MATN2: variants seen among roughly 807,000 people sequenced by gnomAD.
MATN2 encodes the protein matrilin 2.
MATN2 carries 69 observed loss-of-function variants against 103.2 expected under a neutral mutation model. The ratio of observed to expected loss-of-function variants is 0.67; its 90% confidence interval spans 0.55 to 0.82. The LOEUF (loss-of-function observed/expected upper bound fraction) is 0.82. Ranked by LOEUF, MATN2 falls within the 40% of genes least tolerant of loss-of-function variation. The pLI, the probability that MATN2 is intolerant of heterozygous loss-of-function variation, is 0.00. For synonymous variants in MATN2, 429 were observed against 450.2 expected (o/e 0.95, Z 0.60); for missense variants, 1,023 against 1,211.5 (o/e 0.84, Z 2.31).
At chr8:97,877,507 G>A (rs1197475904) in intron 1 of MATN2, among the ~76,000 whole-genome samples, 2 of 149,844 alleles carry the variant, frequency 1.3e-5, no homozygotes, top group Non-Finnish European at 3.0e-5. Flanking sequence ...TTTTTGTAGA[G>A]ATGAAGTCTC....
At chr8:98,009,121 A>G (rs893476923) in intron 10 of MATN2, among the ~76,000 whole-genome samples, 4 of 152,254 alleles carry the variant, frequency 2.6e-5, no homozygotes, top group Admixed American at 6.5e-5. Context: ...GGTTGTATCT[A>G]GATGAGAACT....
intron 5 of MATN2, among the ~76,000 whole-genome samples, chr8:97,964,805 C>T (rs1252402117): frequency 6.6e-6 from 1 of 151,750 alleles, no homozygotes. Flanking sequence ...GCGACCTCGG[C>T]TCACTGCAAC....
chr8:98,033,129 A>G lies in MATN2; in HGVS notation c.2669A>G (p.Asn890Ser), dbSNP rs1814102257. The G allele has an allele frequency of 1.2e-6, 2 of 1,610,916 alleles. No homozygotes were observed. The highest frequency in any genetic ancestry group is 1.7e-6 in the Non-Finnish European group (2 of 1,178,514). ...CACAGATATCTGTTTGAAGAAGACAATCTTTTACGGTCTACACAAAAGCTT... is the reference window on the plus strand; with the variant it reads ...CACAGATATCTGTTTGAAGAAGACAGTCTTTTACGGTCTACACAAAAGCTT... Reference protein sequence around the residue: ...VQHRYLFEEDNLLRSTQKLSH... With the variant: ...VQHRYLFEEDSLLRSTQKLSH... Residue 890 changes from asparagine (N) to serine (S), a missense_variant, in exon 17 of 19, where the codon AAT becomes AGT. Transcript: ENST00000254898.
chr8:97,875,916 C>A (rs551872550), intron 1 of MATN2, among the ~76,000 whole-genome samples: 3 of 151,878 alleles, frequency 2.0e-5, no homozygotes, highest in Non-Finnish European at 4.4e-5. Context: ...AGGATGGTCT[C>A]GATCTCCTGA....
intron 4 of MATN2, among the ~76,000 whole-genome samples, chr8:97,958,861 C>T (rs1484475141): frequency 1.3e-5 from 2 of 152,174 alleles, no homozygotes; most frequent in Admixed American, 1.3e-4. Flanking sequence ...AGAGATCCCT[C>T]TGCCTCTGGT....
At chr8:98,024,505 A>AAACAAC (rs35489233) in intron 13 of MATN2, among the ~76,000 whole-genome samples, 8,144 of 151,738 alleles carry the variant, frequency 0.054, 680 homozygotes, top group African/African-American at 0.18. Context: ...ATGCCATCTC[A>AAACAAC]AACAACAACA....
intron 2 of MATN2, among the ~76,000 whole-genome samples, chr8:97,921,379 G>A (rs1809801592): frequency 6.6e-6 from 1 of 152,124 alleles, no homozygotes; most frequent in Admixed American, 6.5e-5. Context: ...AATAGAGCAC[G>A]ACTGAGTCAA....
chr8:97,944,675 T>C (rs1395826401), intron 4 of MATN2, among the ~76,000 whole-genome samples: 1 of 152,216 alleles, frequency 6.6e-6, no homozygotes, highest in Non-Finnish European at 1.5e-5. Context: ...GATTATGTCC[T>C]TGTTAGGCCC....
intron 6 of MATN2, among the ~76,000 whole-genome samples, chr8:97,987,716 G>C (rs921886353): frequency 3.9e-5 from 6 of 152,104 alleles, no homozygotes; most frequent in Non-Finnish European, 8.8e-5. Flanking sequence ...ACTGATCCTA[G>C]TGCCTGTCCC....
Position 98,007,432 on chromosome 8 carries a change from C to A in MATN2, c.1451-47C>A. Reference sequence around the variant, plus strand: ...CGGTCACTTGATCCAATCACTGTCGCCCAGAGGTCTCACTGATAAAGGGCT... The same window carrying A: ...CGGTCACTTGATCCAATCACTGTCGACCAGAGGTCTCACTGATAAAGGGCT... On this transcript the variant is annotated intron_variant, in intron 9 of 18. Coordinates refer to ENST00000254898, the MANE Select transcript of MATN2 (RefSeq NM_002380.5). The surrounding 1 kb of genome is among the most constrained non-coding windows in gnomAD (Gnocchi z 4.2). 6.3e-7 allele frequency: 1 copy of A among 1,594,436 alleles called. No homozygotes were observed. The highest frequency in any genetic ancestry group is 8.6e-7 in the Non-Finnish European group (1 of 1,164,706).
At chr8:97,918,889 C>T (rs918978499) in intron 2 of MATN2, among the ~76,000 whole-genome samples, 1 of 152,210 alleles carries the variant, frequency 6.6e-6, no homozygotes, top group Non-Finnish European at 1.5e-5. Flanking sequence ...CTCCCTGAGC[C>T]TCAGCTTCCT....
chr8:97,984,953 A>C (rs1017226371), intron 6 of MATN2, among the ~76,000 whole-genome samples: 1 of 152,224 alleles, frequency 6.6e-6, no homozygotes, highest in African/African-American at 2.4e-5. Flanking sequence ...GAAACCTTTG[A>C]GGCAGAGGTA....
At chr8:98,019,296 T>A (rs1379245249) in intron 12 of MATN2, among the ~76,000 whole-genome samples, 1 of 152,218 alleles carries the variant, frequency 6.6e-6, no homozygotes, top group East Asian at 1.9e-4. Context: ...CACACAATTG[T>A]CAGGGGCTGG....
intron 7 of MATN2, among the ~76,000 whole-genome samples, chr8:97,997,289 A>T (rs1428518944): frequency 6.6e-6 from 1 of 152,152 alleles, no homozygotes; most frequent in East Asian, 1.9e-4. Flanking sequence ...TGGCAATGTC[A>T]CTCATATTGG....
chr8:97,929,596 A>G (rs953967699), intron 2 of MATN2, among the ~76,000 whole-genome samples: 1 of 152,246 alleles, frequency 6.6e-6, no homozygotes, highest in Non-Finnish European at 1.5e-5. Flanking sequence ...TCAAACCTTT[A>G]CAGTCTTCTT....
At chr8:97,988,189 T>TATACACACAC (rs71570279) in intron 6 of MATN2, among the ~76,000 whole-genome samples, 15 of 54,922 alleles carry the variant, frequency 2.7e-4, no homozygotes, top group Non-Finnish European at 3.7e-4. Context: ...TATATATATA[T>TATACACACAC]ACACACACAC....
At chr8:98,031,433 T>TTTAA (rs1814015716) in intron 15 of MATN2, 1 of 152,002 alleles carries the variant, frequency 6.6e-6, no homozygotes, top group Non-Finnish European at 1.5e-5. Context: ...TGCCAAGCAG[T>TTTAA]ATAATAAGTG....
chr8:97,897,961 T>C (rs189205683), intron 2 of MATN2, among the ~76,000 whole-genome samples: 6 of 152,020 alleles, frequency 3.9e-5, no homozygotes, highest in East Asian at 1.9e-4. Flanking sequence ...CTACAGATCC[T>C]CTCTCTCCCC....
chr8:98,000,502 C>T (rs1486128824), intron 7 of MATN2, among the ~76,000 whole-genome samples: 1 of 149,552 alleles, frequency 6.7e-6, no homozygotes, highest in Non-Finnish European at 1.5e-5. Flanking sequence ...GAGGCTGAGG[C>T]AGGAGAATTG....
Sources: allele counts gnomAD v4.1 joint callset (sites outside exome capture counted in the v4.1 genomes callset), GRCh38; gene constraint gnomAD v4.1.1; non-coding constraint Gnocchi (gnomAD v3.1); transcripts MANE v1.5; gene names NCBI Gene and HGNC (gene_info 2026-07-23, HGNC 2026-07-21).